SETDB1: variants seen among roughly 807,000 people sequenced by gnomAD.
SETDB1 encodes the protein SET domain bifurcated histone lysine methyltransferase 1, also known as histone-lysine N-methyltransferase SETDB1.
Under a neutral mutation model 137.4 loss-of-function variants are expected in SETDB1, and 31 were observed. The ratio of observed to expected loss-of-function variants is 0.23; its 90% CI spans 0.17 to 0.30. The LOEUF (loss-of-function observed/expected upper bound fraction) is 0.30. Ranked by LOEUF, SETDB1 falls within the 10% of genes least tolerant of loss-of-function variation. The pLI, the probability that SETDB1 is intolerant of heterozygous loss-of-function variation, is 1.00. For synonymous variants in SETDB1, 548 were observed against 579.9 expected, an observed-to-expected ratio of 0.95 and a Z score of 0.79; for missense variants, 1,113 against 1,631.5, an observed-to-expected ratio of 0.68 and a Z score of 5.47.
intron 2 of SETDB1, among the ~76,000 whole-genome samples, chr1:150,928,923 C>G (rs1438919731): frequency 6.6e-6 from 1 of 152,196 alleles, no homozygotes; most frequent in African/African-American, 2.4e-5. Flanking sequence ...AGGACATGAA[C>G]TCATCCTTTT....
At position 150,947,019 on chromosome 1, in the gene SETDB1, C is replaced by T. The variant is rs1370483234; in HGVS notation, c.1267+7C>T. On this transcript the variant is annotated splice_region_variant and intron_variant, in intron 10 of 21. Coordinates refer to ENST00000692827, the MANE Select transcript of SETDB1 (RefSeq NM_001366418.1). ...AGGACACGTCCAAATATGGGTATGTCCTGAAAGATTCCTGGAGGAAGGAAG... is the reference window on the plus strand; with the variant it reads ...AGGACACGTCCAAATATGGGTATGTTCTGAAAGATTCCTGGAGGAAGGAAG... 1.2e-5 allele frequency: 19 copies of T among 1,613,652 alleles called. No individual in the cohort carries two copies. The highest frequency in any genetic ancestry group is 1.5e-5 in the Non-Finnish European group (18 of 1,179,742).
At chr1:150,926,876 C>CT in intron 1 of SETDB1, 12 of 532,042 alleles carry the variant, frequency 2.3e-5, no homozygotes, top group South Asian at 1.7e-4. Flanking sequence ...TTGCTGCAAG[C>CT]TTTCGTGTGT....
rs780460741 is a variant in SETDB1, at chr1:150,927,837, G to A, written c.123G>A (p.Arg41=). Reference sequence around the variant, plus strand: ...TGGGTATCTCTATGGAGGAACTTCGGCATTTCATCGATGAGGAACTGGAGA... The same window carrying A: ...TGGGTATCTCTATGGAGGAACTTCGACATTTCATCGATGAGGAACTGGAGA... The part of the protein sequence containing the change: ...EELGISMEEL[R]HFIDEELEKM... The change falls in exon 2 of 22, where the codon CGG becomes CGA. Residue 41 remains arginine (R), a synonymous_variant. Transcript: ENST00000692827. 3.1e-6 allele frequency: 5 copies of A among 1,614,162 alleles called. No homozygotes were observed. The South Asian group carries it at 5.5e-5, about 18-fold the overall frequency.
At chr1:150,941,078 G>A (rs587614259) in intron 4 of SETDB1, among the ~76,000 whole-genome samples, 5 of 151,886 alleles carry the variant, frequency 3.3e-5, no homozygotes, top group South Asian at 2.1e-4. Flanking sequence ...CAGGAGAATC[G>A]CTTGAACCCA....
chr1:150,950,154 A>C (rs1670453330), intron 12 of SETDB1, among the ~76,000 whole-genome samples: 1 of 152,120 alleles, frequency 6.6e-6, no homozygotes, highest in South Asian at 2.1e-4. Flanking sequence ...GAATCGCTTG[A>C]ACCCAGGAGG....
In SETDB1 at chr1:150,943,151, T is replaced by G. The variant is rs72992042; in HGVS notation, c.875+98T>G. ...GATACCACAATTAGCTTTTGTCTTC[T>G]TAGTCCCCAGTGGACTGAAACCCTT... On this transcript the variant is annotated intron_variant, in intron 7 of 21. Transcript: ENST00000692827. 8,011 of 829,168 alleles carry G rather than the reference T, an allele frequency of 9.7e-3. 429 individuals are homozygous for G. The African/African-American group carries it at 0.12, about 12-fold the overall frequency. 51.4% of individuals were successfully genotyped at this position (829,168 alleles called of 1,614,324 possible). A position where few individuals can be genotyped will look rare whatever the true frequency, so the allele number is the denominator to read the frequency against.
intron 14 of SETDB1, among the ~76,000 whole-genome samples, chr1:150,953,882 T>C (rs1405603518): frequency 4.0e-5 from 6 of 151,058 alleles, no homozygotes; most frequent in Non-Finnish European, 8.8e-5. Context: ...TTAGATGGAG[T>C]CTTGCTCTGT....
Position 150,950,803 on chromosome 1 carries a change from A to G in SETDB1, c.1929A>G (p.Glu643=). The change falls in exon 13 of 22, where the codon GAA becomes GAG. Residue 643 remains glutamate, a synonymous_variant. Coordinates refer to ENST00000692827, the MANE Select transcript of SETDB1 (RefSeq NM_001366418.1). The stretch of plus-strand genomic sequence containing the variant: ...GCCTTCGGACAATGCAGGAGATAGA[A>G]CGCTACCTTTTCGAGACTGGCTGTG... ...GLCLRTMQEI[E]RYLFETGCDF... is the part of the protein sequence containing the mutation. 3 of 1,614,204 alleles carry G rather than the reference A, an allele frequency of 1.9e-6. No individual in the cohort carries two copies. Among genetic ancestry groups the G allele is most frequent in the Non-Finnish European group, 8.5e-7 (1 of 1,180,036 alleles).
intron 12 of SETDB1, 23 bp from the exon 13 acceptor site, chr1:150,950,435 G>T: frequency 6.5e-7 from 1 of 1,548,608 alleles, no homozygotes; most frequent in South Asian, 1.2e-5. Flanking sequence ...CTTCCGATCT[G>T]ATCACTTGCA....
Position 150,927,779 on chromosome 1 carries a change from T to C in SETDB1, c.65T>C (p.Ile22Thr), listed in dbSNP as rs186579703. Reference protein sequence around the residue: ...AATATVESEEIAELQQAVVEE... With the variant: ...AATATVESEETAELQQAVVEE... ...ACAGCTACAGTGGAGTCTGAAGAGA[T>C]TGCAGAGCTGCAACAGGCAGTGGTT... Residue 22 changes from isoleucine (I) to threonine (T), a missense_variant, in exon 2 of 22, where the codon ATT becomes ACT. Transcript: ENST00000692827. 1.2e-6 allele frequency: 2 copies of C among 1,614,172 alleles called. No homozygotes were observed. The highest frequency in any genetic ancestry group is 1.7e-6 in the Non-Finnish European group (2 of 1,180,018).
At chr1:150,942,786 A>G (rs2102691944) in intron 6 of SETDB1, 66 bp from the exon 7 acceptor site, 1 of 1,598,968 alleles carries the variant, frequency 6.3e-7, no homozygotes, top group East Asian at 2.2e-5. Flanking sequence ...TGTCTCTCAC[A>G]TAGCAGCCTG....
At chr1:150,951,275 C>A in intron 13 of SETDB1, 90 bp from the exon 14 acceptor site, 1 of 1,141,476 alleles carries the variant, frequency 8.8e-7, no homozygotes, top group Non-Finnish European at 1.3e-6. Context: ...CTGACATGGC[C>A]ACACTGAGCA....
chr1:150,932,705 G>T (rs1236849223), intron 3 of SETDB1, among the ~76,000 whole-genome samples: 1 of 151,956 alleles, frequency 6.6e-6, no homozygotes, highest in Admixed American at 6.6e-5. Flanking sequence ...TTACTTACTG[G>T]GTTTGATTTG....
At chr1:150,941,069 A>G (rs1240962407) in intron 4 of SETDB1, among the ~76,000 whole-genome samples, 1 of 152,006 alleles carries the variant, frequency 6.6e-6, no homozygotes, top group Non-Finnish European at 1.5e-5. Context: ...AGGCTGAGGC[A>G]GGAGAATCGC....
intron 3 of SETDB1, among the ~76,000 whole-genome samples, chr1:150,931,261 C>CAAAA (rs767694682): frequency 5.9e-5 from 4 of 67,512 alleles, no homozygotes; most frequent in Admixed American, 2.4e-4. Flanking sequence ...CTCTTGTCTT[C>CAAAA]AAAAAAAAAA....
intron 15 of SETDB1, 138 bp from the exon 16 acceptor site, chr1:150,960,425 C>A: frequency 1.4e-6 from 1 of 696,552 alleles, no homozygotes; most frequent in Non-Finnish European, 2.3e-6. Context: ...TGCAGTGAGC[C>A]GAGATCGCGC....
intron 7 of SETDB1, 47 bp downstream of exon 7, chr1:150,943,100 A>T: frequency 7.2e-7 from 1 of 1,386,364 alleles, no homozygotes; most frequent in South Asian, 1.2e-5. Flanking sequence ...GGAGCACAGC[A>T]CCTGCCCTGT....
At chr1:150,948,932 T>C (rs1385003465) in intron 10 of SETDB1, among the ~76,000 whole-genome samples, 190 bp from the exon 11 acceptor site, 2 of 152,210 alleles carry the variant, frequency 1.3e-5, no homozygotes, top group Non-Finnish European at 2.9e-5. Flanking sequence ...TTGGCCAGGC[T>C]GGTCTCAAAC....
At chr1:150,947,619 C>T (rs587684685) in intron 10 of SETDB1, among the ~76,000 whole-genome samples, 99 of 152,110 alleles carry the variant, frequency 6.5e-4, no homozygotes, top group African/African-American at 2.3e-3. Context: ...TACAAAAAAA[C>T]ACAAAAATTA....
Sources: allele counts gnomAD v4.1 joint callset (sites outside exome capture counted in the v4.1 genomes callset), GRCh38; gene constraint gnomAD v4.1.1; transcripts MANE v1.5; gene names NCBI Gene and HGNC (gene_info 2026-07-23, HGNC 2026-07-21).